FCAMR: variants seen among roughly 807,000 people sequenced by gnomAD.
FCAMR encodes the protein high affinity immunoglobulin alpha and immunoglobulin mu Fc receptor.
Under a neutral mutation model 52.2 loss-of-function variants are expected in FCAMR, and 51 were observed. That is an observed-to-expected ratio of 0.98 (90% confidence interval 0.78 to 1.23). The LOEUF is 1.23. Among genes scored for constraint, FCAMR ranks in the 50% most tolerant of loss-of-function variants. FCAMR has a pLI of 0.00. For missense variants in FCAMR, 719 were observed against 712.6 expected (o/e 1.01, Z -0.10); for synonymous variants, 282 against 262.0 (o/e 1.08, Z -0.74).
intron 1 of FCAMR, among the ~76,000 whole-genome samples, chr1:206,968,344 A>G (rs1680795960): frequency 6.6e-6 from 1 of 151,942 alleles, no homozygotes; most frequent in South Asian, 2.1e-4. Context: ...AACAACAACA[A>G]CAACAAAAAA....
chr1:206,959,651 T>C (rs770191869), intron 7 of FCAMR, 28 bp downstream of exon 7: 2 of 1,585,084 alleles, frequency 1.3e-6, no homozygotes, highest in Admixed American at 1.7e-5. Flanking sequence ...AGAACTCTTC[T>C]ATCTAGCCTT....
chr1:206,959,818 G>C, intron 6 of FCAMR, 21 bp from the exon 7 acceptor site: 2 of 1,569,206 alleles, frequency 1.3e-6, no homozygotes, highest in Non-Finnish European at 1.8e-6. Flanking sequence ...GGTGGAAAGA[G>C]CACAGGGGAG....
At chr1:206,965,649 C>G in intron 4 of FCAMR, 66 bp downstream of exon 4, 1 of 1,493,238 alleles carries the variant, frequency 6.7e-7, no homozygotes, top group Non-Finnish European at 8.9e-7. Context: ...GGGAGCCTGA[C>G]TTGGTCTGAG....
At chr1:206,966,444 G>A (rs1181660877) in intron 3 of FCAMR, among the ~76,000 whole-genome samples, 3 of 152,162 alleles carry the variant, frequency 2.0e-5, no homozygotes, top group African/African-American at 7.2e-5. Context: ...GGAGTGCAGT[G>A]GCGCGATCTC....
chr1:206,968,591 C>G (rs914962502), intron 1 of FCAMR, among the ~76,000 whole-genome samples: 1 of 152,180 alleles, frequency 6.6e-6, no homozygotes, highest in Non-Finnish European at 1.5e-5. Flanking sequence ...TGGGCAGAAA[C>G]CCCCTCACTC....
intron 6 of FCAMR, 111 bp downstream of exon 6, chr1:206,960,311 T>C: frequency 8.7e-7 from 1 of 1,150,340 alleles, no homozygotes; most frequent in Non-Finnish European, 1.2e-6. Context: ...TATGTCACTG[T>C]CTTGTGGGTA....
At position 206,960,562 on chromosome 1, in the gene FCAMR, G is replaced by C; in HGVS notation, c.1314C>G (p.Ser438Arg). ...TTCCTTCCCCAGATGCTGCCTCCATGCTGGTCCACACATCTGCAGCTGGAG... is the reference window on the plus strand; with the variant it reads ...TTCCTTCCCCAGATGCTGCCTCCATCCTGGTCCACACATCTGCAGCTGGAG... ...LGTPAADVWT[S>R]MEAASGEGSA... Residue 438 changes from serine (S) to arginine (R), a missense_variant, in exon 6 of 8, where the codon AGC (serine) becomes AGG (arginine). Physicochemically the swap from Ser to Arg is moderately radical, Grantham distance 110. Transcript: ENST00000324852. 6.4e-7 allele frequency: 1 copy of C among 1,551,742 alleles called. No individual in the cohort carries two copies. The highest frequency in any genetic ancestry group is 2.0e-5 in the Admixed American group (1 of 51,010).
chr1:206,958,645 C>A lies in FCAMR; in HGVS notation c.1605G>T (p.Gln535His). The A allele has an allele frequency of 6.2e-7, 1 of 1,614,074 alleles. No individual in the cohort carries two copies. The highest frequency in any genetic ancestry group is 8.5e-7 in the Non-Finnish European group (1 of 1,180,044). The change falls in exon 8 of 8, where the codon CAG (glutamine) becomes CAT (histidine). Residue 535 changes from glutamine to histidine, a missense_variant. By Grantham distance (24) the Gln-to-His change is conservative. Coordinates refer to ENST00000324852, the MANE Select transcript of FCAMR (RefSeq NM_001170631.2). The part of the protein sequence containing the change: ...SQEAERVTLI[Q>H]MTHFLEVNPQ... ...GGTTCACTTCCAGAAAATGTGTCAT[C>A]TGAATTAAGGTGACCCTTTCTGCCT... is the stretch of plus-strand genomic sequence containing the variant.
chr1:206,958,823 C>A, intron 7 of FCAMR, 147 bp from the exon 8 acceptor site: 1 of 1,033,252 alleles, frequency 9.7e-7, no homozygotes. Context: ...GCTAAGCCAG[C>A]CTAGCCCATG....
At position 206,958,387 on chromosome 1, in the gene FCAMR, T is replaced by A. The variant is rs979989132; in HGVS notation, c.*129A>T. The A allele has an allele frequency of 6.5e-6, 7 of 1,071,302 alleles. No individual in the cohort carries two copies. In the African/African-American group the frequency reaches 1.1e-4, roughly 17 times the overall value. The allele number at this position is 1,071,302 out of a possible 1,614,324, so 66.4% of individuals were successfully genotyped here. ...GGACAGCCAGCCTTTCTTCCATGGG[T>A]GGAGCACCGGCTGCATCAGCTTCTC... is the stretch of plus-strand genomic sequence containing the variant. On this transcript the variant is annotated 3_prime_UTR_variant, in exon 8 of 8. Transcript: ENST00000324852.
intron 3 of FCAMR, among the ~76,000 whole-genome samples, chr1:206,966,735 G>T (rs1423226195): frequency 6.6e-6 from 1 of 152,152 alleles, no homozygotes; most frequent in Non-Finnish European, 1.5e-5. Flanking sequence ...TAAGCCAGTT[G>T]TTAATCCTTT....
chr1:206,958,259 C>T lies in FCAMR; in HGVS notation c.*257G>A. 2.6e-6 allele frequency: 1 copy of T among 384,950 alleles called. No individual in the cohort carries two copies. Among genetic ancestry groups the T allele is most frequent in the Non-Finnish European group, 4.6e-6 (1 of 217,208 alleles). The allele number at this position is 384,950 out of a possible 1,614,324, so 23.8% of individuals were successfully genotyped here. A position where few individuals can be genotyped will look rare whatever the true frequency, so the allele number is the denominator to read the frequency against. ...TCAGGAATGGAAATTTCATGCTTTT[C>T]CTAGGTGACCTCTTCCAGTGTTTCA... On this transcript the variant is annotated 3_prime_UTR_variant, in exon 8 of 8. Coordinates refer to ENST00000324852, the MANE Select transcript of FCAMR (RefSeq NM_001170631.2).
chr1:206,970,112 G>A lies in FCAMR; in HGVS notation c.14C>T (p.Ala5Val), dbSNP rs749400190. 5.6e-6 allele frequency: 9 copies of A among 1,614,062 alleles called. No individual in the cohort carries two copies. The South Asian group carries it at 7.7e-5, about 14-fold the overall frequency. ...CTTTTGTTCTCCAGGCTTCACTGTG[G>A]CCTCTCCATCCATCTCAGTCCAGAA... Reference protein sequence around the residue: MDGEATVKPGEQKEV... With the variant: MDGEVTVKPGEQKEV... Residue 5 changes from alanine to valine, a missense_variant, in exon 1 of 8, where the codon GCC becomes GTC. Physicochemically the swap from Ala to Val is moderately conservative, Grantham distance 64. Transcript: ENST00000324852.
chr1:206,960,314 TG>T (rs1373607763), intron 6 of FCAMR, 107 bp downstream of exon 6: 2 of 1,179,044 alleles, frequency 1.7e-6, no homozygotes, highest in Admixed American at 2.9e-5. Context: ...GTCACTGTCT[TG>T]TGGGTACAAA....
At chr1:206,963,520 C>T (rs954947811) in intron 4 of FCAMR, among the ~76,000 whole-genome samples, 1 of 152,164 alleles carries the variant, frequency 6.6e-6, no homozygotes, top group Non-Finnish European at 1.5e-5. Flanking sequence ...TAAAGAGCCC[C>T]GCCTAGTCTA....
At chr1:206,964,242 T>C (rs1273887452) in intron 4 of FCAMR, among the ~76,000 whole-genome samples, 1 of 152,208 alleles carries the variant, frequency 6.6e-6, no homozygotes, top group Non-Finnish European at 1.5e-5. Context: ...GCGGGGCTGT[T>C]GCTGGGACCA....
In FCAMR at chr1:206,958,176, T is replaced by C. The variant is rs1680324582; in HGVS notation, c.*340A>G. The C allele has an allele frequency of 4.9e-6, 1 of 204,876 alleles. No homozygotes were observed. The highest frequency in any genetic ancestry group is 9.7e-6 in the Non-Finnish European group (1 of 102,866). 12.7% of individuals were successfully genotyped at this position (204,876 alleles called of 1,614,324 possible). On this transcript the variant is annotated 3_prime_UTR_variant, in exon 8 of 8. Transcript: ENST00000324852. Reference sequence around the variant, plus strand: ...GAGCCCCCAGCAAGGGCTGGGAGTGTTGATAGGGGATTTGTCACTTTCCAC... The same window carrying C: ...GAGCCCCCAGCAAGGGCTGGGAGTGCTGATAGGGGATTTGTCACTTTCCAC...
At chr1:206,970,007 A>T in intron 1 of FCAMR, 80 bp downstream of exon 1, 1 of 1,558,962 alleles carries the variant, frequency 6.4e-7, no homozygotes, top group East Asian at 2.2e-5. Context: ...ACTGAGGAGC[A>T]TGTGTGACAG....
In FCAMR at chr1:206,962,382, A is replaced by G. The variant is rs1470202182; in HGVS notation, c.483T>C (p.Tyr161=). 3.7e-6 allele frequency: 6 copies of G among 1,614,204 alleles called. No homozygotes were observed. Among genetic ancestry groups the G allele is most frequent in the Non-Finnish European group, 1.7e-6 (2 of 1,180,026 alleles). The part of the protein sequence containing the change: ...ICQTIVSTNQ[Y]THHRYRDRVA... ...CACGGTCACGATAGCGATGGTGAGT[A>G]TACTGGTTGGTGGACACAATGGTCT... Residue 161 remains tyrosine (Y), a synonymous_variant, in exon 5 of 8, where the codon TAT becomes TAC. Coordinates refer to ENST00000324852, the MANE Select transcript of FCAMR (RefSeq NM_001170631.2).
Sources: allele counts gnomAD v4.1 joint callset (sites outside exome capture counted in the v4.1 genomes callset), GRCh38; gene constraint gnomAD v4.1.1; transcripts MANE v1.5; gene names NCBI Gene and HGNC (gene_info 2026-07-23, HGNC 2026-07-21).